ZNF425: variants seen among roughly 807,000 people sequenced by gnomAD.
ZNF425 encodes the protein zinc finger protein 425.
A neutral mutation model predicts 17.0 loss-of-function variants in ZNF425; 21 were observed. The observed-to-expected ratio is 1.23, with a 90% CI of 0.88 to 1.78. ZNF425 has a LOEUF of 1.78. ZNF425 is among the 40% of genes most tolerant of loss of function. The probability of loss-of-function intolerance (pLI) is 0.00; values close to 1 mark genes in which losing one functional copy is unlikely to be tolerated. For synonymous variants in ZNF425, 433 were observed against 384.1 expected, an observed-to-expected ratio of 1.13 and a Z score of -1.49; for missense variants, 868 against 967.3, an observed-to-expected ratio of 0.90 and a Z score of 1.36.
At chr7:149,108,344 C>T (rs1826115242) in intron 3 of ZNF425, among the ~76,000 whole-genome samples, 1 of 152,200 alleles carries the variant, frequency 6.6e-6, no homozygotes, top group Admixed American at 6.6e-5. Context: ...AAGGACAACA[C>T]AGGTGATGTT....
intron 1 of ZNF425, among the ~76,000 whole-genome samples, chr7:149,124,409 C>T (rs1193520134): frequency 6.6e-6 from 1 of 152,200 alleles, no homozygotes; most frequent in East Asian, 1.9e-4. Flanking sequence ...CCCGTCTTGG[C>T]CACCCAAAGT....
chr7:149,126,109 C>T (rs1826463177), intron 1 of ZNF425, 87 bp downstream of exon 1: 1 of 1,600,578 alleles, frequency 6.2e-7, no homozygotes, highest in Non-Finnish European at 8.5e-7. Context: ...GCCCCGGCCG[C>T]CCCACTCCCT....
rs1222750342 is a variant in ZNF425 at position 149,103,919 on chromosome 7, T to C, written c.1952A>G (p.Tyr651Cys). The change falls in exon 4 of 4, where the codon TAC becomes TGC. Residue 651 changes from tyrosine (Y) to cysteine (C), a missense_variant. Around this residue, in one of 5 missense-constraint regions of ZNF425, gnomAD observed 437 missense variants for 444.2 expected, o/e 0.98. Coordinates refer to ENST00000378061, the MANE Select transcript of ZNF425 (RefSeq NM_001001661.3). Reference sequence around the variant, plus strand: ...GACTCGAATGTGTTCTGTGAGCCGGTACTGTTGAGTGAAACTTTTGCCGCA... The same window carrying C: ...GACTCGAATGTGTTCTGTGAGCCGGCACTGTTGAGTGAAACTTTTGCCGCA... Reference protein sequence around the residue: ...VMCGKSFTQQYRLTEHIRVHS... With the variant: ...VMCGKSFTQQCRLTEHIRVHS... 1 of 1,613,260 alleles carries C rather than the reference T, an allele frequency of 6.2e-7. No homozygotes were observed. Among genetic ancestry groups the C allele is most frequent in the Non-Finnish European group, 8.5e-7 (1 of 1,179,860 alleles).
intron 1 of ZNF425, among the ~76,000 whole-genome samples, chr7:149,123,839 T>C (rs1162578078): frequency 8.6e-6 from 1 of 116,374 alleles, no homozygotes; most frequent in East Asian, 3.0e-4. Context: ...GACTTGCTTT[T>C]TCTTTTTTTT....
rs376850832 is a variant in ZNF425, at chr7:149,112,599, C to T, written c.146-304G>A. Among the ~76,000 whole-genome samples the T allele has an allele frequency of 2.0e-5, 3 of 152,178 alleles. No homozygotes were observed. The South Asian group carries it at 6.2e-4, about 32-fold the overall frequency. ...AGTGAGTAGAGATCGCGCCTCTGCACCCCAGCCTAGGCAACAGACCGAGAC... is the reference window on the plus strand; with the variant it reads ...AGTGAGTAGAGATCGCGCCTCTGCATCCCAGCCTAGGCAACAGACCGAGAC... On this transcript the variant is annotated intron_variant, in intron 2 of 3. Transcript: ENST00000378061.
chr7:149,119,595 T>C (rs1826319707), intron 1 of ZNF425, among the ~76,000 whole-genome samples: 1 of 152,112 alleles, frequency 6.6e-6, no homozygotes, highest in South Asian at 2.1e-4. Context: ...ATTCACAGGT[T>C]CCACATCCAT....
intron 1 of ZNF425, among the ~76,000 whole-genome samples, chr7:149,124,526 T>G (rs543431589): frequency 2.8e-4 from 43 of 150,890 alleles, no homozygotes; most frequent in East Asian, 5.9e-4. Context: ...CCCATATTTT[T>G]TTGTTGTTGT....
At chr7:149,106,861 C>T (rs902959792) in intron 3 of ZNF425, among the ~76,000 whole-genome samples, 1 of 152,042 alleles carries the variant, frequency 6.6e-6, no homozygotes, top group African/African-American at 2.4e-5. Flanking sequence ...GTAATCCCAG[C>T]ACTTTGGGAG....
At chr7:149,114,619 G>A (rs947043522) in intron 2 of ZNF425, among the ~76,000 whole-genome samples, 16 of 151,598 alleles carry the variant, frequency 1.1e-4, no homozygotes, top group Non-Finnish European at 2.1e-4. Context: ...GGCCGGTCTC[G>A]AATGCCTAAC....
chr7:149,124,563 C>T (rs1183610149), intron 1 of ZNF425, among the ~76,000 whole-genome samples: 5 of 151,230 alleles, frequency 3.3e-5, no homozygotes, highest in African/African-American at 9.7e-5. Context: ...GTTTTTGAGA[C>T]GGAGTTTCGC....
rs1826052290 is a variant in ZNF425 at position 149,104,887 on chromosome 7, C to T, written c.984G>A (p.Lys328=). 6.2e-7 allele frequency: 1 copy of T among 1,613,450 alleles called. No individual in the cohort carries two copies. The highest frequency in any genetic ancestry group is 1.3e-5 in the African/African-American group (1 of 74,946). ...TEHLRLHSGE[K]PFQCPQCDRC... ...GGTCACACTGCGGACACTGGAAGGG[C>T]TTCTCTCCGCTGTGCAGCCGCAAGT... Residue 328 remains lysine, a synonymous_variant, in exon 4 of 4, where the codon AAG becomes AAA. Transcript: ENST00000378061. This position sits in a 1 kb window ranked among gnomAD's most constrained non-coding sequence, Gnocchi z 4.3.
chr7:149,118,140 C>G, intron 2 of ZNF425, 82 bp downstream of exon 2: 1 of 1,519,588 alleles, frequency 6.6e-7, no homozygotes, highest in Non-Finnish European at 9.1e-7. Context: ...CATATTCAAC[C>G]AGCCCACGGC....
intron 2 of ZNF425, among the ~76,000 whole-genome samples, chr7:149,115,638 C>T (rs545165456): frequency 2.0e-5 from 3 of 149,670 alleles, no homozygotes; most frequent in Non-Finnish European, 4.4e-5. Flanking sequence ...TGTAGTGAGC[C>T]GAGATCGTGC....
intron 3 of ZNF425, among the ~76,000 whole-genome samples, chr7:149,107,373 T>C (rs185171738): frequency 2.0e-5 from 3 of 151,706 alleles, no homozygotes; most frequent in Admixed American, 6.6e-5. Flanking sequence ...AGTCTAGCTC[T>C]GTCGCCCAGG....
At chr7:149,115,100 A>ATT (rs71192755) in intron 2 of ZNF425, among the ~76,000 whole-genome samples, 63 of 123,866 alleles carry the variant, frequency 5.1e-4, no homozygotes, top group South Asian at 1.1e-3. Context: ...ACGCTGGCTA[A>ATT]TTTTTTTTTT....
chr7:149,113,551 A>ATT (rs774215848), intron 2 of ZNF425: 69,463 of 129,098 alleles, frequency 0.54, 21,173 homozygotes, highest in East Asian at 0.87. Flanking sequence ...ATTCCTACAA[A>ATT]TTTTTTTTTT....
Position 149,104,995 on chromosome 7 carries a change from G to A in ZNF425, c.876C>T (p.His292=). 6.2e-7 allele frequency: 1 copy of A among 1,614,226 alleles called. No individual in the cohort carries two copies. Among genetic ancestry groups the A allele is most frequent in the Non-Finnish European group, 8.5e-7 (1 of 1,180,056 alleles). ...GCCGCTCCCCGCGGTGTAGACACAG[G>A]TGCTTCTTCAGGTTGGCCCTGTACC... ...TFRYRANLKK[H]LCLHRGERPF... is the part of the protein sequence containing the mutation. Residue 292 remains histidine, a synonymous_variant, in exon 4 of 4, where the codon CAC becomes CAT. Transcript: ENST00000378061. The surrounding 1 kb of genome is among the most constrained non-coding windows in gnomAD (Gnocchi z 4.3).
Position 149,105,108 on chromosome 7 carries a change from A to G in ZNF425, c.763T>C (p.Tyr255His). 1 of 1,614,224 alleles carries G rather than the reference A, an allele frequency of 6.2e-7. No individual in the cohort carries two copies. Among genetic ancestry groups the G allele is most frequent in the Non-Finnish European group, 8.5e-7 (1 of 1,180,048 alleles). Residue 255 changes from tyrosine (Y) to histidine (H), a missense_variant, in exon 4 of 4, where the codon TAC becomes CAC. Coordinates refer to ENST00000378061, the MANE Select transcript of ZNF425 (RefSeq NM_001001661.3). ...GTGACGAGGCTGCCCTTCAGGAAGT[A>G]GCTCTTCTCACACTCACTGCACTGG... ...RFQCSECEKS[Y>H]FLKGSLVTHQ...
intron 3 of ZNF425, among the ~76,000 whole-genome samples, chr7:149,109,081 CTTTTTTT>C (rs774851748): frequency 7.2e-6 from 1 of 138,816 alleles, no homozygotes; most frequent in African/African-American, 2.7e-5. Context: ...TTTTTTCTTT[CTTTTTTT>C]TTTTTTTTGA....
Sources: gnomAD v4.1 joint callset for allele counts (sites outside exome capture counted in the v4.1 genomes callset) on GRCh38, gnomAD v4.1.1 for gene constraint, gnomAD v4.1.1 regional missense constraint, Gnocchi (gnomAD v3.1) non-coding constraint, MANE v1.5 for transcripts, NCBI Gene and HGNC (gene_info 2026-07-23, HGNC 2026-07-21) for gene names.